The following LNPEP variants were observed in gnomAD, a reference collection of about 807,000 sequenced individuals.
The protein encoded by LNPEP is leucyl-cystinyl aminopeptidase.
A neutral mutation model predicts 120.6 loss-of-function variants in LNPEP; 64 were observed. The observed-to-expected ratio is 0.53, with a 90% CI of 0.43 to 0.65. The LOEUF (loss-of-function observed/expected upper bound fraction) is 0.65. Among genes scored for constraint, LNPEP ranks in the 30% least tolerant of loss-of-function variants. The pLI is 0.00. For synonymous variants in LNPEP, 435 were observed against 425.4 expected (o/e 1.02, Z -0.28); for missense variants, 1,057 against 1,200.0 (o/e 0.88, Z 1.76).
chr5:97,019,778 T>C (rs915761340), intron 13 of LNPEP, among the ~76,000 whole-genome samples: 4 of 152,248 alleles, frequency 2.6e-5, no homozygotes, highest in African/African-American at 9.6e-5. Context: ...TCTCACATTC[T>C]TCATTTGTTC....
At chr5:96,939,336 C>T (rs1788996645) in intron 1 of LNPEP, among the ~76,000 whole-genome samples, 1 of 151,710 alleles carries the variant, frequency 6.6e-6, no homozygotes, top group Admixed American at 6.6e-5. Context: ...GCCTCAGCCT[C>T]CCGAGTAGCT....
intron 1 of LNPEP, among the ~76,000 whole-genome samples, chr5:96,964,178 C>T (rs555289854): frequency 4.4e-4 from 66 of 151,488 alleles, no homozygotes; most frequent in Non-Finnish European, 6.9e-4. Context: ...CTGTGTCTGA[C>T]TTTTAATAGC....
intron 11 of LNPEP, among the ~76,000 whole-genome samples, chr5:97,007,983 CAA>C (rs1263668005): frequency 3.3e-5 from 5 of 152,038 alleles, no homozygotes; most frequent in Admixed American, 6.5e-5. Flanking sequence ...AAAGCAGCAA[CAA>C]TCTAATTATT....
At chr5:96,984,394 T>C (rs972147773) in intron 2 of LNPEP, among the ~76,000 whole-genome samples, 1 of 152,200 alleles carries the variant, frequency 6.6e-6, no homozygotes, top group African/African-American at 2.4e-5. Context: ...TTACTTAATC[T>C]AAATGGGTCC....
chr5:97,025,255 G>A (rs1791311954), intron 15 of LNPEP, among the ~76,000 whole-genome samples: 1 of 152,176 alleles, frequency 6.6e-6, no homozygotes, highest in South Asian at 2.1e-4. Context: ...AGAGGTATCT[G>A]CTGTAGAGAG....
intron 13 of LNPEP, among the ~76,000 whole-genome samples, chr5:97,018,833 C>T (rs1791123362): frequency 6.6e-6 from 1 of 152,116 alleles, no homozygotes; most frequent in Non-Finnish European, 1.5e-5. Flanking sequence ...ACATATGCTG[C>T]ATTTTGTGAT....
At chr5:96,998,254 G>A in intron 8 of LNPEP, 109 bp downstream of exon 8, 1 of 844,964 alleles carries the variant, frequency 1.2e-6, no homozygotes, top group Non-Finnish European at 1.8e-6. Context: ...ATGTTTTTCA[G>A]GTATTAATGG....
chr5:96,993,123 C>A lies in LNPEP; in HGVS notation c.1240C>A (p.Leu414Ile). The A allele has an allele frequency of 6.3e-7, 1 of 1,582,476 alleles. No homozygotes were observed. Among genetic ancestry groups the A allele is most frequent in the Non-Finnish European group, 8.6e-7 (1 of 1,161,166 alleles). Residue 414 changes from leucine to isoleucine, a missense_variant, in exon 5 of 18, where the codon CTT becomes ATT. By Grantham distance (5) the Leu-to-Ile change is conservative. Coordinates refer to ENST00000231368, the MANE Select transcript of LNPEP (RefSeq NM_005575.3). ...FQNYFEIQYP[L>I]KKLDLVAIPD... ...AAACTACTTTGAAATTCAGTACCCA[C>A]TTAAGAAATTGGGTAAGAATCAAAT...
At chr5:97,009,403 C>T (rs189558437) in intron 11 of LNPEP, among the ~76,000 whole-genome samples, 4 of 152,268 alleles carry the variant, frequency 2.6e-5, no homozygotes, top group African/African-American at 9.6e-5. Context: ...ATATGAATCA[C>T]TGTAAATCAC....
At chr5:96,945,287 G>C (rs1188432992) in intron 1 of LNPEP, among the ~76,000 whole-genome samples, 1 of 151,678 alleles carries the variant, frequency 6.6e-6, no homozygotes, top group African/African-American at 2.4e-5. Context: ...GTATGCACCT[G>C]TGGTCCCAGC....
chr5:97,026,506 T>G (rs1791342530), intron 15 of LNPEP, 111 bp from the exon 16 acceptor site: 1 of 792,608 alleles, frequency 1.3e-6, no homozygotes, highest in African/African-American at 1.7e-5. Flanking sequence ...CAGTTATTTC[T>G]CAATTTGCTA....
intron 9 of LNPEP, 117 bp downstream of exon 9, chr5:97,003,663 AAG>A (rs1790708760): frequency 3.3e-6 from 2 of 604,920 alleles, no homozygotes; most frequent in Non-Finnish European, 5.2e-6. Context: ...TTATTTAAGA[AAG>A]GGGGGGATGG....
At chr5:97,008,720 A>G (rs1176527350) in intron 11 of LNPEP, among the ~76,000 whole-genome samples, 4 of 132,948 alleles carry the variant, frequency 3.0e-5, no homozygotes, top group Non-Finnish European at 6.1e-5. Context: ...GTGAGAGTGC[A>G]GTGGCGCGAT....
intron 2 of LNPEP, among the ~76,000 whole-genome samples, chr5:96,981,569 C>T (rs1057396566): frequency 2.0e-5 from 3 of 152,134 alleles, no homozygotes; most frequent in Non-Finnish European, 4.4e-5. Context: ...AAATAGTTAA[C>T]GAGTACAAGG....
At chr5:97,007,004 C>T (rs11956362) in intron 11 of LNPEP, among the ~76,000 whole-genome samples, 5 of 152,006 alleles carry the variant, frequency 3.3e-5, no homozygotes, top group African/African-American at 1.2e-4. Flanking sequence ...GGGCATGAAA[C>T]TATGATAGGA....
chr5:97,024,092 G>A (rs1218321222), intron 14 of LNPEP, among the ~76,000 whole-genome samples: 1 of 152,162 alleles, frequency 6.6e-6, no homozygotes, highest in Non-Finnish European at 1.5e-5. Context: ...GTCTTTCCCA[G>A]CTCTGAGATC....
rs183684276 is a variant in LNPEP at position 97,000,150 on chromosome 5, C to T, written c.1653+2005C>T. Among the ~76,000 whole-genome samples, 7 of 151,994 alleles carry T rather than the reference C, an allele frequency of 4.6e-5. No homozygotes were observed. The East Asian group carries it at 1.4e-3, about 29-fold the overall frequency. ...TAGGTATTGTGTTAAGTAATAAGTG[C>T]TAATATGAAAATAAAGCATGATAAG... On this transcript the variant is annotated intron_variant, in intron 8 of 17. Transcript: ENST00000231368.
intron 8 of LNPEP, among the ~76,000 whole-genome samples, chr5:97,001,603 A>G (rs560795124): frequency 3.3e-5 from 5 of 152,268 alleles, no homozygotes; most frequent in South Asian, 2.1e-4. Context: ...GGAAATTTAG[A>G]TAGAGAAAAG....
Position 96,951,827 on chromosome 5 carries a change from A to T in LNPEP, c.19+15653A>T, listed in dbSNP as rs571845848. Among the ~76,000 whole-genome samples, 9 of 152,114 alleles carry T rather than the reference A, an allele frequency of 5.9e-5. No individual in the cohort carries two copies. The South Asian group carries it at 1.9e-3, about 32-fold the overall frequency. ...ACCCCTTGTCCCATTTTTGTCCTGC[A>T]CTGAAGCAATTCAGACTTTCTGTAT... On this transcript the variant is annotated intron_variant, in intron 1 of 17. Coordinates refer to ENST00000231368, the MANE Select transcript of LNPEP (RefSeq NM_005575.3).
Sources: allele counts gnomAD v4.1 joint callset (sites outside exome capture counted in the v4.1 genomes callset), GRCh38; gene constraint gnomAD v4.1.1; transcripts MANE v1.5; gene names NCBI Gene and HGNC (gene_info 2026-07-23, HGNC 2026-07-21).